Variants in PARP15 observed in about 807,000 individuals in gnomAD.
PARP15 encodes poly(ADP-ribose) polymerase family member 15.
Under a neutral mutation model 62.1 loss-of-function variants are expected in PARP15, and 50 were observed. The observed-to-expected ratio is 0.81, with a 90% confidence interval of 0.64 to 1.02. The LOEUF (loss-of-function observed/expected upper bound fraction) is 1.02. Ranked by LOEUF, PARP15 falls within the 50% of genes least tolerant of loss-of-function variation. The probability of loss-of-function intolerance (pLI) is 0.00; values close to 1 mark genes in which losing one functional copy is unlikely to be tolerated. For missense variants in PARP15, 820 were observed against 826.5 expected (o/e 0.99, Z 0.10); for synonymous variants, 309 against 293.1 (o/e 1.05, Z -0.55).
chr3:122,585,899 C>CT (rs1361314686), intron 1 of PARP15, among the ~76,000 whole-genome samples: 3 of 152,118 alleles, frequency 2.0e-5, no homozygotes, highest in African/African-American at 7.2e-5. Flanking sequence ...TTGCAAATGT[C>CT]TTTTTTAAAG....
At chr3:122,626,764 G>T in intron 8 of PARP15, 63 bp from the exon 9 acceptor site, 2 of 1,456,872 alleles carry the variant, frequency 1.4e-6, no homozygotes, top group South Asian at 2.5e-5. Context: ...AACTGGATTT[G>T]CCATATTTCA....
chr3:122,609,710 T>TA (rs1935424743), intron 2 of PARP15, among the ~76,000 whole-genome samples: 2 of 131,132 alleles, frequency 1.5e-5, no homozygotes, highest in African/African-American at 7.8e-5. Flanking sequence ...AAAAAAAAAA[T>TA]TAAAAAAAAA....
intron 7 of PARP15, 125 bp from the exon 8 acceptor site, chr3:122,621,319 C>G: frequency 9.7e-7 from 1 of 1,032,856 alleles, no homozygotes; most frequent in Non-Finnish European, 1.4e-6. Flanking sequence ...ATGAAACCAA[C>G]AAGCTCGAGT....
rs1933182806 is a variant in PARP15, at chr3:122,583,866, C to A, written c.186+6013C>A. ...GACTTCTGGAGCTCTTTGCGCAACTCTCTCCTCTCCAGTACTCTGACTTGT... is the reference window on the plus strand; with the variant it reads ...GACTTCTGGAGCTCTTTGCGCAACTATCTCCTCTCCAGTACTCTGACTTGT... On this transcript the variant is annotated intron_variant, in intron 1 of 11. Transcript: ENST00000464300. 4.6e-5 allele frequency among the ~76,000 whole-genome samples: 7 copies of A among 152,198 alleles called. No homozygotes were observed. In the South Asian group the frequency reaches 1.4e-3, roughly 32 times the overall value.
Position 122,635,791 on chromosome 3 carries a change from T to A in PARP15, c.1748-20T>A. On this transcript the variant is annotated intron_variant, in intron 11 of 11. Coordinates refer to ENST00000464300, the MANE Select transcript of PARP15 (RefSeq NM_001113523.3). The stretch of plus-strand genomic sequence containing the variant: ...TGTAATTTTATATTCTTAGGAAGGT[T>A]TTTGTCTTTCTCTTTCCAGCTGTAT... 6.3e-7 allele frequency: 1 copy of A among 1,598,708 alleles called. No individual in the cohort carries two copies. Among genetic ancestry groups the A allele is most frequent in the Non-Finnish European group, 8.5e-7 (1 of 1,172,836 alleles).
At position 122,616,417 on chromosome 3, in the gene PARP15, C is replaced by G. The variant is rs930124093; in HGVS notation, c.850+560C>G. On this transcript the variant is annotated intron_variant, in intron 5 of 11. Transcript: ENST00000464300. Reference sequence around the variant, plus strand: ...TGATCTTGGCTCACTACAAACCCCGCCTCCTGGGTTCAAGCAATCCTCCTG... The same window carrying G: ...TGATCTTGGCTCACTACAAACCCCGGCTCCTGGGTTCAAGCAATCCTCCTG... Among the ~76,000 whole-genome samples, 82 of 151,228 alleles carry G rather than the reference C, an allele frequency of 5.4e-4. 1 individual carries two copies. The highest frequency in any genetic ancestry group is 7.4e-4 in the Non-Finnish European group (50 of 67,884).
chr3:122,626,339 C>T (rs991560999), intron 8 of PARP15, among the ~76,000 whole-genome samples: 1 of 151,954 alleles, frequency 6.6e-6, no homozygotes, highest in African/African-American at 2.4e-5. Flanking sequence ...GCTGGGACTA[C>T]AGGTGCCCGC....
intron 1 of PARP15, among the ~76,000 whole-genome samples, chr3:122,600,312 C>A (rs775600062): frequency 2.7e-4 from 41 of 152,136 alleles, no homozygotes; most frequent in Middle Eastern, 3.4e-3. Context: ...AAGTGATGGT[C>A]TATCTTCTGC....
chr3:122,621,530 G>A lies in PARP15; in HGVS notation c.1150G>A (p.Val384Ile), dbSNP rs1174535862. The change falls in exon 8 of 12, where the codon GTC becomes ATC. Residue 384 changes from valine to isoleucine, a missense_variant. By Grantham distance (29) the Val-to-Ile change is conservative (BLOSUM62 3). Around this residue, in one of 3 missense-constraint regions of PARP15, gnomAD observed 731 missense variants for 727.7 expected, o/e 1.00. Coordinates refer to ENST00000464300, the MANE Select transcript of PARP15 (RefSeq NM_001113523.3). ...IIIHVPGGKD[V>I]RKTVTSVLEE... ...AATTCATGTTCCTGGGGGAAAAGATGTCAGGAAAACGGTCACCAGTGTTCT... is the reference window on the plus strand; with the variant it reads ...AATTCATGTTCCTGGGGGAAAAGATATCAGGAAAACGGTCACCAGTGTTCT... 2 of 1,614,076 alleles carry A rather than the reference G, an allele frequency of 1.2e-6. No individual in the cohort carries two copies. Among genetic ancestry groups the A allele is most frequent in the Admixed American group, 1.7e-5 (1 of 59,994 alleles).
intron 4 of PARP15, among the ~76,000 whole-genome samples, chr3:122,613,814 C>CTTTTT (rs747039553): frequency 7.3e-4 from 66 of 90,774 alleles, no homozygotes; most frequent in Non-Finnish European, 8.6e-4. Flanking sequence ...TGAATCTCAG[C>CTTTTT]TTTTTTTTTT....
intron 2 of PARP15, among the ~76,000 whole-genome samples, chr3:122,610,144 CT>C (rs1935458439): frequency 6.6e-6 from 1 of 152,208 alleles, no homozygotes; most frequent in Non-Finnish European, 1.5e-5. Context: ...GTCTCTGTCT[CT>C]GTTTTTCACT....
intron 8 of PARP15, among the ~76,000 whole-genome samples, chr3:122,625,519 G>T (rs1481479166): frequency 6.6e-6 from 1 of 152,200 alleles, no homozygotes; most frequent in Non-Finnish European, 1.5e-5. Context: ...CTCCCAAAGT[G>T]CTGGGATTAC....
At chr3:122,584,588 T>TTTTTTTTC (rs1301853534) in intron 1 of PARP15, among the ~76,000 whole-genome samples, 3 of 141,776 alleles carry the variant, frequency 2.1e-5, no homozygotes, top group Non-Finnish European at 4.6e-5. Context: ...TTTTTTTTTT[T>TTTTTTTTC]CCGAGATGGA....
Position 122,626,196 on chromosome 3 carries a change from CT to C in PARP15, c.1232-611del, listed in dbSNP as rs34106420. 4.9e-3 allele frequency among the ~76,000 whole-genome samples: 593 copies of C among 122,096 alleles called. 1 individual carries two copies. The highest frequency in any genetic ancestry group is 6.5e-3 in the Non-Finnish European group (393 of 60,210). 80.1% of individuals were successfully genotyped at this position (122,096 alleles called of 152,430 possible). ...GATTGGTAATGCAGCAGCTGTCACTCTTTTTTTTTTTTTTTTTTTTGAGACG... is the reference window on the plus strand; with the variant it reads ...GATTGGTAATGCAGCAGCTGTCACTCTTTTTTTTTTTTTTTTTTTGAGACG... On this transcript the variant is annotated intron_variant, in intron 8 of 11. Coordinates refer to ENST00000464300, the MANE Select transcript of PARP15 (RefSeq NM_001113523.3).
rs1308829029 is a variant in PARP15 at position 122,613,023 on chromosome 3, G to A, written c.544-18G>A. 1.3e-6 allele frequency: 2 copies of A among 1,539,486 alleles called. No homozygotes were observed. The highest frequency in any genetic ancestry group is 4.9e-5 in the East Asian group (2 of 40,842). ...AGCTTAAGCCCTAACTTATGTAAAT[G>A]TACTTTGCACATTTCAGATCATGGC... On this transcript the variant is annotated intron_variant, in intron 3 of 11. Coordinates refer to ENST00000464300, the MANE Select transcript of PARP15 (RefSeq NM_001113523.3).
chr3:122,591,380 T>C (rs1459475071), intron 1 of PARP15, among the ~76,000 whole-genome samples: 1 of 152,236 alleles, frequency 6.6e-6, no homozygotes, highest in African/African-American at 2.4e-5. Flanking sequence ...CATGCTATCC[T>C]TGCTCATGGA....
At chr3:122,589,368 G>A (rs552957849) in intron 1 of PARP15, among the ~76,000 whole-genome samples, 66 of 152,216 alleles carry the variant, frequency 4.3e-4, no homozygotes, top group Non-Finnish European at 9.1e-4. Context: ...ATTTAAAGAG[G>A]GACACAAACA....
intron 9 of PARP15, among the ~76,000 whole-genome samples, chr3:122,631,087 G>A (rs1314427767): frequency 1.3e-5 from 2 of 152,216 alleles, no homozygotes; most frequent in African/African-American, 2.4e-5. Flanking sequence ...CTTGCCTGCT[G>A]TATTCAGGGG....
At chr3:122,593,876 A>G (rs980937364) in intron 1 of PARP15, among the ~76,000 whole-genome samples, 2 of 152,222 alleles carry the variant, frequency 1.3e-5, no homozygotes, top group Non-Finnish European at 2.9e-5. Context: ...AACACTCAGT[A>G]AGAGAGAATT....
Sources: allele counts gnomAD v4.1 joint callset (sites outside exome capture counted in the v4.1 genomes callset), GRCh38; gene constraint gnomAD v4.1.1; regional missense constraint gnomAD v4.1.1; transcripts MANE v1.5; gene names NCBI Gene and HGNC (gene_info 2026-07-23, HGNC 2026-07-21).